Variants in ZFHX3 observed in about 807,000 individuals in gnomAD.
The protein encoded by ZFHX3 is zinc finger homeobox 3, also known as zinc finger homeobox protein 3.
Under a neutral mutation model 279.1 loss-of-function variants are expected in ZFHX3, and 42 were observed. That is an observed-to-expected ratio of 0.15 (90% CI 0.12 to 0.19). The LOEUF is 0.19. Ranked by LOEUF, ZFHX3 falls within the 10% of genes least tolerant of loss-of-function variation. ZFHX3 has a pLI of 1.00. For synonymous variants in ZFHX3, 2,293 were observed against 1,957.8 expected, an observed-to-expected ratio of 1.17 and a Z score of -4.52; for missense variants, 4,981 against 4,754.0, an observed-to-expected ratio of 1.05 and a Z score of -1.40.
At chr16:72,999,936 G>C (rs1009614013) in intron 1 of ZFHX3, among the ~76,000 whole-genome samples, 1 of 152,202 alleles carries the variant, frequency 6.6e-6, no homozygotes, top group Non-Finnish European at 1.5e-5. Flanking sequence ...GGGGAAAATG[G>C]AAACATACAG....
intron 2 of ZFHX3, among the ~76,000 whole-genome samples, chr16:73,618,767 A>G (rs576530857): frequency 6.6e-6 from 1 of 152,338 alleles, no homozygotes; most frequent in South Asian, 2.1e-4. Flanking sequence ...GGATGACCCC[A>G]GAGAGGCCAG....
At chr16:73,169,702 C>G (rs1225295627) in intron 5 of ZFHX3, among the ~76,000 whole-genome samples, 2 of 151,666 alleles carry the variant, frequency 1.3e-5, no homozygotes, top group Non-Finnish European at 2.9e-5. Flanking sequence ...GGGAAATCTT[C>G]TTTTGGCATA....
intron 2 of ZFHX3, among the ~76,000 whole-genome samples, chr16:73,553,309 C>G (rs1032545984): frequency 2.6e-5 from 4 of 151,750 alleles, no homozygotes; most frequent in Admixed American, 2.0e-4. Flanking sequence ...ACTTCATTCT[C>G]TGAGCTCTAG....
chr16:73,228,098 C>T (rs2012660667), intron 5 of ZFHX3, among the ~76,000 whole-genome samples: 1 of 152,040 alleles, frequency 6.6e-6, no homozygotes, highest in African/African-American at 2.4e-5. Flanking sequence ...GGACTTAAAG[C>T]CAGGCAGTCT....
At chr16:73,713,195 T>G (rs1339781872) in intron 1 of ZFHX3, among the ~76,000 whole-genome samples, 2 of 152,194 alleles carry the variant, frequency 1.3e-5, no homozygotes, top group African/African-American at 4.8e-5. Context: ...AAGAACTGAT[T>G]TCCTACTTTT....
At chr16:73,454,574 C>CA (rs11417738) in intron 3 of ZFHX3, among the ~76,000 whole-genome samples, 103,753 of 137,382 alleles carry the variant, frequency 0.76, 38,960 homozygotes, top group Admixed American at 0.82. Context: ...CCAAATTTCT[C>CA]AAAAAAAAAA....
intron 8 of ZFHX3, among the ~76,000 whole-genome samples, chr16:73,085,985 C>CAAAAAA (rs57128744): frequency 4.1e-3 from 217 of 53,294 alleles, no homozygotes; most frequent in Middle Eastern, 0.022. Context: ...AACTCAATTG[C>CAAAAAA]AAAAAAAAAA....
intron 1 of ZFHX3, among the ~76,000 whole-genome samples, chr16:73,829,558 GA>G (rs1389791424): frequency 8.0e-4 from 51 of 63,980 alleles, no homozygotes; most frequent in African/African-American, 4.5e-3. Flanking sequence ...GGTCTTTGAT[GA>G]TGGTGATGTA....
At chr16:72,836,642 A>T (rs866574727) in intron 4 of ZFHX3, among the ~76,000 whole-genome samples, 8 of 152,100 alleles carry the variant, frequency 5.3e-5, no homozygotes, top group Non-Finnish European at 1.0e-4. Flanking sequence ...CTCTGTGGAT[A>T]ATCATCTAAA....
chr16:72,885,497 C>T (rs1221314368), intron 4 of ZFHX3, among the ~76,000 whole-genome samples: 1 of 152,320 alleles, frequency 6.6e-6, no homozygotes, highest in African/African-American at 2.4e-5. Flanking sequence ...TGAACTGGAC[C>T]GACTGGCAAA....
At chr16:73,382,338 A>G (rs551615481) in intron 3 of ZFHX3, among the ~76,000 whole-genome samples, 42 of 152,368 alleles carry the variant, frequency 2.8e-4, no homozygotes, top group Middle Eastern at 6.8e-3. Context: ...TGAAGATAAC[A>G]GATTTGAGAA....
chr16:73,540,072 G>A (rs2019984275), intron 2 of ZFHX3, among the ~76,000 whole-genome samples: 1 of 152,236 alleles, frequency 6.6e-6, no homozygotes, highest in African/African-American at 2.4e-5. Context: ...TTGGTGATTA[G>A]TATTAGAAGG....
intron 2 of ZFHX3, among the ~76,000 whole-genome samples, chr16:73,463,810 C>T (rs974996166): frequency 1.3e-5 from 2 of 152,108 alleles, no homozygotes; most frequent in Admixed American, 6.6e-5. Context: ...AAGGGGCGTT[C>T]GTTACAGCAA....
intron 3 of ZFHX3, among the ~76,000 whole-genome samples, chr16:73,416,677 T>A (rs74458145): frequency 1.8e-4 from 27 of 152,068 alleles, no homozygotes; most frequent in Admixed American, 5.2e-4. Flanking sequence ...ATCGAGACCA[T>A]CCTGGCTAAC....
intron 1 of ZFHX3, among the ~76,000 whole-genome samples, chr16:73,781,031 T>G (rs1184385279): frequency 1.3e-5 from 2 of 152,174 alleles, no homozygotes; most frequent in Admixed American, 1.3e-4. Context: ...TATTAAAAGC[T>G]TTAGCAGTGA....
intron 3 of ZFHX3, among the ~76,000 whole-genome samples, chr16:72,923,478 A>AT (rs1959257468): frequency 1.3e-5 from 2 of 151,858 alleles, no homozygotes; most frequent in South Asian, 2.1e-4. Context: ...AGACGCTATG[A>AT]ATATATATGC....
chr16:72,961,181 T>C (rs776594461), intron 1 of ZFHX3, among the ~76,000 whole-genome samples: 3 of 152,128 alleles, frequency 2.0e-5, no homozygotes, highest in Non-Finnish European at 4.4e-5. Flanking sequence ...GTTTTTGCTA[T>C]CAAGGATCTG....
intron 3 of ZFHX3, among the ~76,000 whole-genome samples, chr16:72,906,019 A>AG (rs2039161211): frequency 6.6e-6 from 1 of 152,034 alleles, no homozygotes; most frequent in South Asian, 2.1e-4. Context: ...ACATGGGGTC[A>AG]GAGTTGCATG....
At chr16:73,706,289 C>A (rs2142221502) in intron 1 of ZFHX3, among the ~76,000 whole-genome samples, 1 of 151,944 alleles carries the variant, frequency 6.6e-6, no homozygotes, top group Non-Finnish European at 1.5e-5. Context: ...GGTGAAACCC[C>A]ATCTCTCCTA....
Sources: gnomAD v4.1 joint callset for allele counts (sites outside exome capture counted in the v4.1 genomes callset) on GRCh38, gnomAD v4.1.1 for gene constraint, MANE v1.5 for transcripts, NCBI Gene and HGNC (gene_info 2026-07-23, HGNC 2026-07-21) for gene names.